Variants in FRZB observed in about 807,000 individuals in gnomAD.
FRZB encodes the protein secreted frizzled-related protein 3.
In FRZB, 34 loss-of-function variants were observed where a neutral mutation model predicts 32.5. That is an observed-to-expected ratio of 1.05 (90% CI 0.80 to 1.39). FRZB has a LOEUF of 1.39. FRZB is among the 40% of genes most tolerant of loss of function. FRZB has a pLI of 0.00. For missense variants in FRZB, 423 were observed against 424.8 expected (o/e 1.00, Z 0.04); for synonymous variants, 170 against 159.2 (o/e 1.07, Z -0.51).
rs910184560 is a variant in FRZB at position 182,858,833 on chromosome 2, T to C, written c.479A>G (p.Asp160Gly). ...PEAIVTADGADFPMDSSNGNC... is the reference protein window; with the variant it reads ...PEAIVTADGAGFPMDSSNGNC... ...TCCGTTACTAGAATCCATAGGAAAA[T>C]CTGAAAGGAGGTGACAGAAAAAAGA... Residue 160 changes from aspartate (D) to glycine (G), a missense_variant and splice_region_variant, in exon 2 of 6, where the codon GAT (aspartate) becomes GGT (glycine). By Grantham distance (94) the Asp-to-Gly change is moderately conservative (BLOSUM62 -1). Transcript: ENST00000295113. 6.2e-7 allele frequency: 1 copy of C among 1,608,284 alleles called. No homozygotes were observed. The highest frequency in any genetic ancestry group is 1.3e-5 in the African/African-American group (1 of 74,728).
intron 2 of FRZB, among the ~76,000 whole-genome samples, chr2:182,854,497 G>A (rs1695746598): frequency 6.6e-6 from 1 of 152,204 alleles, no homozygotes; most frequent in South Asian, 2.1e-4. Flanking sequence ...AACACAGCCT[G>A]TATCGTAGAG....
At chr2:182,839,176 C>T (rs749334342) in intron 3 of FRZB, among the ~76,000 whole-genome samples, 9 of 152,026 alleles carry the variant, frequency 5.9e-5, no homozygotes, top group Non-Finnish European at 1.3e-4. Flanking sequence ...ATCTTTTCAC[C>T]TTCCTCATCT....
At chr2:182,841,415 T>C (rs1290388205) in intron 3 of FRZB, among the ~76,000 whole-genome samples, 1 of 152,164 alleles carries the variant, frequency 6.6e-6, no homozygotes, top group Non-Finnish European at 1.5e-5. Context: ...CTGCTGTATA[T>C]ATCCTATATA....
intron 5 of FRZB, among the ~76,000 whole-genome samples, chr2:182,837,453 TA>T (rs1406935564): frequency 6.6e-6 from 1 of 152,008 alleles, no homozygotes; most frequent in Non-Finnish European, 1.5e-5. Context: ...TCCCCAGGTT[TA>T]AAAAGACTAC....
chr2:182,840,439 A>T (rs965993977), intron 3 of FRZB, among the ~76,000 whole-genome samples: 1 of 152,134 alleles, frequency 6.6e-6, no homozygotes, highest in African/African-American at 2.4e-5. Context: ...CAAAATAAAT[A>T]TCTTTCTACA....
chr2:182,854,744 T>C (rs533870454), intron 2 of FRZB, among the ~76,000 whole-genome samples: 1 of 152,274 alleles, frequency 6.6e-6, no homozygotes, highest in African/African-American at 2.4e-5. Flanking sequence ...TTACTTTGTC[T>C]CTCTCTCTCT....
At chr2:182,847,063 G>A (rs990550399) in intron 2 of FRZB, among the ~76,000 whole-genome samples, 2 of 152,178 alleles carry the variant, frequency 1.3e-5, no homozygotes, top group African/African-American at 4.8e-5. Flanking sequence ...TCCAGGCTCT[G>A]TGATAGGCAT....
At chr2:182,842,389 A>T in intron 3 of FRZB, 89 bp downstream of exon 3, 1 of 893,500 alleles carries the variant, frequency 1.1e-6, no homozygotes, top group Non-Finnish European at 1.8e-6. Context: ...AAATGGCTCC[A>T]CTCGTTTACA....
At chr2:182,845,380 T>C (rs1177714791) in intron 2 of FRZB, among the ~76,000 whole-genome samples, 2 of 152,192 alleles carry the variant, frequency 1.3e-5, no homozygotes, top group African/African-American at 4.8e-5. Flanking sequence ...CATTTCTTGT[T>C]TAATTGCTAG....
Position 182,835,108 on chromosome 2 carries a change from G to C in FRZB, c.862-143C>G, listed in dbSNP as rs531739558. 64 of 648,506 alleles carry C rather than the reference G, an allele frequency of 9.9e-5. No individual in the cohort carries two copies. In the East Asian group the frequency reaches 1.6e-3, roughly 17 times the overall value. 40.2% of individuals were successfully genotyped at this position (648,506 alleles called of 1,614,324 possible). On this transcript the variant is annotated intron_variant, in intron 5 of 5. Transcript: ENST00000295113. The stretch of plus-strand genomic sequence containing the variant: ...TCCAAAAGTATCAATCTATTTCCCA[G>C]GGTAACAAGAAAACTGATGCAATAT...
intron 1 of FRZB, among the ~76,000 whole-genome samples, 176 bp from the exon 2 acceptor site, chr2:182,859,009 A>T: frequency 6.6e-6 from 1 of 152,092 alleles, no homozygotes; most frequent in Non-Finnish European, 1.5e-5. Flanking sequence ...TTGAGTATGG[A>T]TGAGACTTAT....
chr2:182,861,858 A>G (rs1452740368), intron 1 of FRZB, among the ~76,000 whole-genome samples: 3 of 152,342 alleles, frequency 2.0e-5, no homozygotes, highest in East Asian at 3.9e-4. Context: ...TGGAGACTAC[A>G]TAAGATTACA....
chr2:182,854,537 A>G (rs1357317054), intron 2 of FRZB, among the ~76,000 whole-genome samples: 1 of 152,186 alleles, frequency 6.6e-6, no homozygotes, highest in Non-Finnish European at 1.5e-5. Flanking sequence ...AGTACACTCC[A>G]GTTCTAACTC....
At position 182,833,980 on chromosome 2, in the gene FRZB, T is replaced by C. The variant is rs2105749434; in HGVS notation, c.*869A>G. On this transcript the variant is annotated 3_prime_UTR_variant, in exon 6 of 6. Transcript: ENST00000295113. ...CTTTTCCTGGTCAATACGGCAATTC[T>C]GATTTATTTTAAAAGAAGAGAAAAA... The C allele has an allele frequency of 6.6e-6, 1 of 151,348 alleles. No homozygotes were observed. Among genetic ancestry groups the C allele is most frequent in the South Asian group, 2.1e-4 (1 of 4,814 alleles). The allele number at this position is 151,348 out of a possible 1,614,324, so 9.4% of individuals were successfully genotyped here.
chr2:182,841,604 A>T (rs1322275117), intron 3 of FRZB, among the ~76,000 whole-genome samples: 1 of 152,186 alleles, frequency 6.6e-6, no homozygotes, highest in Non-Finnish European at 1.5e-5. Context: ...TGCATATGGA[A>T]TACAGTAAAT....
chr2:182,853,498 CA>C (rs1695732811), intron 2 of FRZB, among the ~76,000 whole-genome samples: 1 of 152,096 alleles, frequency 6.6e-6, no homozygotes, highest in African/African-American at 2.4e-5. Context: ...TACTGGACAG[CA>C]ATGATTTCCA....
rs767819242 is a variant in FRZB, at chr2:182,842,506, C to A, written c.564G>T (p.Lys188Asn). The A allele has an allele frequency of 4.0e-5, 64 of 1,612,878 alleles. No homozygotes were observed. Among genetic ancestry groups the A allele is most frequent in the Non-Finnish European group, 5.3e-5 (63 of 1,179,174 alleles). Residue 188 changes from lysine to asparagine, a missense_variant, in exon 3 of 6, where the codon AAG becomes AAT. Coordinates refer to ENST00000295113, the MANE Select transcript of FRZB (RefSeq NM_001463.4). Reference protein sequence around the residue: ...CKCKPIRATQKTYFRNNYNYV... With the variant: ...CKCKPIRATQNTYFRNNYNYV... ...AGTTGTAATTGTTCCGGAAATAGGT[C>A]TTCTGTGTAGCTCTAATAGGCTTAC...
At chr2:182,852,131 G>GA (rs1362464180) in intron 2 of FRZB, among the ~76,000 whole-genome samples, 1 of 152,120 alleles carries the variant, frequency 6.6e-6, no homozygotes, top group Non-Finnish European at 1.5e-5. Context: ...TTGTACCAAA[G>GA]AAAAAAACTG....
At chr2:182,837,499 G>A (rs1349945412) in intron 5 of FRZB, among the ~76,000 whole-genome samples, 3 of 148,510 alleles carry the variant, frequency 2.0e-5, no homozygotes. Context: ...AGTAAAAACT[G>A]CTTGATGAGG....
Sources: allele counts gnomAD v4.1 joint callset (sites outside exome capture counted in the v4.1 genomes callset), GRCh38; gene constraint gnomAD v4.1.1; transcripts MANE v1.5; gene names NCBI Gene and HGNC (gene_info 2026-07-23, HGNC 2026-07-21).